SP4: variants seen among roughly 807,000 people sequenced by gnomAD.
SP4 encodes Sp4 transcription factor, also known as transcription factor Sp4.
SP4 carries 19 observed loss-of-function variants against 72.8 expected under a neutral mutation model. The ratio of observed to expected loss-of-function variants is 0.26; its 90% confidence interval spans 0.18 to 0.38. SP4 has a LOEUF of 0.38. SP4 is among the 10% of genes least tolerant of loss of function. The pLI is 1.00. For missense variants in SP4, 1,008 were observed against 926.3 expected (o/e 1.09, Z -1.14); for synonymous variants, 395 against 333.1 (o/e 1.19, Z -2.02).
intron 3 of SP4, among the ~76,000 whole-genome samples, chr7:21,474,174 C>T (rs1315089961): frequency 6.6e-6 from 1 of 152,158 alleles, no homozygotes; most frequent in African/African-American, 2.4e-5. Flanking sequence ...TTCCCCACCC[C>T]TCACCCCCAG....
chr7:21,452,580 G>A (rs536802897), intron 3 of SP4, among the ~76,000 whole-genome samples: 4 of 152,256 alleles, frequency 2.6e-5, no homozygotes, highest in Admixed American at 6.5e-5. Context: ...TTAAAGGAAA[G>A]CATGCCATTC....
At chr7:21,440,221 T>C (rs968312778) in intron 3 of SP4, among the ~76,000 whole-genome samples, 3 of 152,192 alleles carry the variant, frequency 2.0e-5, no homozygotes, top group African/African-American at 7.2e-5. Flanking sequence ...ATTCCTTTTT[T>C]TCATTTGCAA....
chr7:21,438,327 G>T (rs1471678494), intron 3 of SP4, among the ~76,000 whole-genome samples: 2 of 152,104 alleles, frequency 1.3e-5, no homozygotes. Context: ...AGAGTTCTCT[G>T]TAAGTCTTAA....
At chr7:21,500,403 C>T (rs555917278) in intron 5 of SP4, among the ~76,000 whole-genome samples, 1 of 152,304 alleles carries the variant, frequency 6.6e-6, no homozygotes, top group African/African-American at 2.4e-5. Context: ...AAATAACACA[C>T]ACTTATTACC....
chr7:21,491,566 A>G (rs1583439772), intron 5 of SP4, among the ~76,000 whole-genome samples: 1 of 152,292 alleles, frequency 6.6e-6, no homozygotes, highest in South Asian at 2.1e-4. Flanking sequence ...GTTGAATCCC[A>G]AGCAGAAACT....
At chr7:21,468,754 T>A (rs774554405) in intron 3 of SP4, among the ~76,000 whole-genome samples, 7 of 152,138 alleles carry the variant, frequency 4.6e-5, no homozygotes, top group African/African-American at 1.2e-4. Context: ...CTTGCCTTAC[T>A]ACATTGGCTT....
intron 4 of SP4, among the ~76,000 whole-genome samples, chr7:21,479,720 C>T (rs759174712): frequency 2.6e-5 from 4 of 152,158 alleles, no homozygotes; most frequent in African/African-American, 9.7e-5. Flanking sequence ...ACTTTGGGGA[C>T]GGTTGCCAGC....
intron 5 of SP4, among the ~76,000 whole-genome samples, chr7:21,484,436 G>A (rs1784762338): frequency 6.6e-6 from 1 of 151,820 alleles, no homozygotes; most frequent in Non-Finnish European, 1.5e-5. Context: ...GAGCAATTTG[G>A]ATTTTAGATT....
rs774816149 is a variant in SP4 at position 21,430,154 on chromosome 7, C to G, written c.989C>G (p.Thr330Arg). ...ACTACCTGCACAACCACTGCTTCAA[C>G]GTCTTTGACAAGCAGTGACACATTA... Reference protein sequence around the residue: ...SSTTCTTTASTSLTSSDTLVS... With the variant: ...SSTTCTTTASRSLTSSDTLVS... The change falls in exon 3 of 6, where the codon ACG becomes AGG. Residue 330 changes from threonine to arginine, a missense_variant. By Grantham distance (71) the Thr-to-Arg change is moderately conservative. Transcript: ENST00000222584. 6.2e-7 allele frequency: 1 copy of G among 1,614,214 alleles called. No individual in the cohort carries two copies. Among genetic ancestry groups the G allele is most frequent in the Non-Finnish European group, 8.5e-7 (1 of 1,180,042 alleles).
chr7:21,461,382 C>T (rs887107036), intron 3 of SP4, among the ~76,000 whole-genome samples: 47 of 152,288 alleles, frequency 3.1e-4, no homozygotes, highest in African/African-American at 6.7e-4. Flanking sequence ...CCCTGCCTCG[C>T]GGGGAGGCAG....
chr7:21,494,663 C>G (rs1483594594), intron 5 of SP4, among the ~76,000 whole-genome samples: 2 of 152,128 alleles, frequency 1.3e-5, no homozygotes, highest in African/African-American at 4.8e-5. Context: ...ACATTGTATT[C>G]AAGGATTGGA....
At chr7:21,467,663 G>A (rs1424261866) in intron 3 of SP4, among the ~76,000 whole-genome samples, 14 of 152,054 alleles carry the variant, frequency 9.2e-5, no homozygotes, top group Admixed American at 7.9e-4. Flanking sequence ...TGCAATGTTA[G>A]GAGACATATT....
At chr7:21,501,883 A>G (rs756924694) in intron 5 of SP4, among the ~76,000 whole-genome samples, 2 of 152,144 alleles carry the variant, frequency 1.3e-5, no homozygotes, top group Non-Finnish European at 2.9e-5. Context: ...TTAGCTGGCT[A>G]GCCACCCCTT....
chr7:21,495,550 C>T lies in SP4; in HGVS notation c.2107+13427C>T, dbSNP rs560477657. Among the ~76,000 whole-genome samples the T allele has an allele frequency of 9.2e-5, 14 of 152,008 alleles. No homozygotes were observed. The East Asian group carries it at 2.7e-3, about 29-fold the overall frequency. ...AACCATAATGCAATACTACTGTACA[C>T]CTATTAGAATGGCTAAAATCAAAAG... On this transcript the variant is annotated intron_variant, in intron 5 of 5. Coordinates refer to ENST00000222584, the MANE Select transcript of SP4 (RefSeq NM_003112.5).
At chr7:21,489,845 A>C (rs1187989727) in intron 5 of SP4, among the ~76,000 whole-genome samples, 1 of 151,982 alleles carries the variant, frequency 6.6e-6, no homozygotes, top group African/African-American at 2.4e-5. Context: ...GGCGTGAGCC[A>C]CTGTGCCCAG....
In SP4 at chr7:21,430,262, C is replaced by T; in HGVS notation, c.1097C>T (p.Ala366Val). 11 of 1,614,252 alleles carry T rather than the reference C, an allele frequency of 6.8e-6. No homozygotes were observed. The highest frequency in any genetic ancestry group is 8.5e-6 in the Non-Finnish European group (10 of 1,180,050). ...ERTIEESQTP[A>V]ATESEAQSSS... ...ACCATTGAAGAATCTCAAACACCTG[C>T]TGCTACTGAGTCTGAAGCCCAGAGC... The change falls in exon 3 of 6, where the codon GCT (alanine) becomes GTT (valine). Residue 366 changes from alanine (A) to valine (V), a missense_variant. Coordinates refer to ENST00000222584, the MANE Select transcript of SP4 (RefSeq NM_003112.5).
intron 4 of SP4, among the ~76,000 whole-genome samples, chr7:21,480,879 G>A (rs1034106511): frequency 6.6e-6 from 1 of 152,176 alleles, no homozygotes; most frequent in African/African-American, 2.4e-5. Flanking sequence ...TGCAAATGAA[G>A]TCAATTCCTT....
intron 3 of SP4, chr7:21,471,060 T>C (rs1425010873): frequency 1.9e-6 from 1 of 534,720 alleles, no homozygotes; most frequent in South Asian, 1.4e-5. Context: ...CCAGCTATAT[T>C]ATTCAAATGC....
At chr7:21,481,822 CAGAG>C (rs1784697965) in intron 4 of SP4, 98 bp from the exon 5 acceptor site, 2 of 828,266 alleles carry the variant, frequency 2.4e-6, no homozygotes, top group Non-Finnish European at 4.0e-6. Flanking sequence ...CAAACCTATT[CAGAG>C]AAGCATCATT....
Sources: allele counts gnomAD v4.1 joint callset (sites outside exome capture counted in the v4.1 genomes callset), GRCh38; gene constraint gnomAD v4.1.1; transcripts MANE v1.5; gene names NCBI Gene and HGNC (gene_info 2026-07-23, HGNC 2026-07-21).